Variants in BTBD9 observed in about 807,000 individuals in gnomAD.
BTBD9 encodes the protein BTB/POZ domain-containing protein 9.
In BTBD9, 49 loss-of-function variants were observed where a neutral mutation model predicts 64.3. The observed-to-expected ratio is 0.76, with a 90% confidence interval of 0.61 to 0.97. The LOEUF (loss-of-function observed/expected upper bound fraction) is 0.97, where lower values mean the gene tolerates loss of function less well. Among genes scored for constraint, BTBD9 ranks in the 50% least tolerant of loss-of-function variants. The pLI is 0.00. For missense variants in BTBD9, 598 were observed against 762.1 expected (o/e 0.78, Z 2.53); for synonymous variants, 260 against 274.7 (o/e 0.95, Z 0.53).
intron 8 of BTBD9, among the ~76,000 whole-genome samples, chr6:38,272,821 T>C (rs1259830121): frequency 6.6e-6 from 1 of 152,170 alleles, no homozygotes; most frequent in African/African-American, 2.4e-5. Flanking sequence ...TATTATCTTT[T>C]AACCTCAGAA....
chr6:38,626,946 T>A (rs1654053036), intron 1 of BTBD9, among the ~76,000 whole-genome samples: 1 of 152,206 alleles, frequency 6.6e-6, no homozygotes. Flanking sequence ...AGAATTTAAT[T>A]ACCACTGAAA....
intron 1 of BTBD9, among the ~76,000 whole-genome samples, chr6:38,621,056 T>C (rs1777965596): frequency 6.6e-6 from 1 of 152,174 alleles, no homozygotes; most frequent in Non-Finnish European, 1.5e-5. Flanking sequence ...ACCAGTGACA[T>C]ACCTAAGGAA....
chr6:38,617,053 C>T (rs565938583), intron 1 of BTBD9, among the ~76,000 whole-genome samples: 1 of 152,196 alleles, frequency 6.6e-6, no homozygotes, highest in Non-Finnish European at 1.5e-5. Context: ...GGGCTAAACA[C>T]TGGGCACCTG....
intron 9 of BTBD9, among the ~76,000 whole-genome samples, chr6:38,255,443 A>G (rs1347896080): frequency 2.6e-5 from 4 of 152,224 alleles, no homozygotes; most frequent in African/African-American, 9.7e-5. Context: ...ATCAATTTTA[A>G]AAAGAAAAAT....
chr6:38,516,737 A>G (rs1773045172), intron 6 of BTBD9, among the ~76,000 whole-genome samples: 1 of 152,214 alleles, frequency 6.6e-6, no homozygotes. Flanking sequence ...TGTAGTATCT[A>G]TTAAGCAGTC....
intron 9 of BTBD9, among the ~76,000 whole-genome samples, chr6:38,214,309 G>A (rs993615647): frequency 6.6e-6 from 1 of 152,214 alleles, no homozygotes; most frequent in African/African-American, 2.4e-5. Flanking sequence ...AGCGCCCTCA[G>A]CCAGGCTGCC....
At chr6:38,521,445 T>C (rs1454111920) in intron 6 of BTBD9, among the ~76,000 whole-genome samples, 6 of 152,220 alleles carry the variant, frequency 3.9e-5, no homozygotes, top group Non-Finnish European at 8.8e-5. Flanking sequence ...CCAGAGGTGA[T>C]TCACATTTCA....
At chr6:38,486,178 G>C (rs142144335) in intron 6 of BTBD9, among the ~76,000 whole-genome samples, 1 of 152,178 alleles carries the variant, frequency 6.6e-6, no homozygotes, top group African/African-American at 2.4e-5. Flanking sequence ...GCCTTGCTCC[G>C]AATCAGGCTT....
rs557014809 is a variant in BTBD9, at chr6:38,173,514, A to G, written c.*1471T>C. On this transcript the variant is annotated 3_prime_UTR_variant, in exon 11 of 11. Transcript: ENST00000481247. ...CACGGAAAGACAGTCTTCCAATTTA[A>G]TCACGCAGTTTGATGCTACCCTACT... 1 of 152,384 alleles carries G rather than the reference A, an allele frequency of 6.6e-6. No homozygotes were observed. The highest frequency in any genetic ancestry group is 2.4e-5 in the African/African-American group (1 of 41,586). The allele number at this position is 152,384 out of a possible 1,614,324, so 9.4% of individuals were successfully genotyped here. A position where few individuals can be genotyped will look rare whatever the true frequency, so the allele number is the denominator to read the frequency against.
intron 9 of BTBD9, among the ~76,000 whole-genome samples, chr6:38,195,603 C>T (rs17678932): frequency 0.014 from 2,073 of 152,258 alleles, 16 homozygotes; most frequent in Non-Finnish European, 0.017. Context: ...TTACCCTCTC[C>T]GGAATGCTGA....
chr6:38,464,651 G>A (rs1369610068), intron 6 of BTBD9, among the ~76,000 whole-genome samples: 3 of 151,930 alleles, frequency 2.0e-5, no homozygotes, highest in Admixed American at 6.6e-5. Flanking sequence ...GCCTGCCACC[G>A]CGCCTGGCTA....
chr6:38,368,845 G>A (rs1263396352), intron 6 of BTBD9, among the ~76,000 whole-genome samples: 1 of 152,146 alleles, frequency 6.6e-6, no homozygotes, highest in Non-Finnish European at 1.5e-5. Flanking sequence ...TCTAACTTCA[G>A]GGTATTCTTC....
intron 6 of BTBD9, among the ~76,000 whole-genome samples, chr6:38,570,840 T>C (rs79591337): frequency 8.7e-4 from 132 of 152,320 alleles, no homozygotes; most frequent in African/African-American, 3.1e-3. Flanking sequence ...ATAGTACAAA[T>C]AGTTTCACAT....
At chr6:38,411,706 C>T (rs936750953) in intron 6 of BTBD9, among the ~76,000 whole-genome samples, 2 of 152,008 alleles carry the variant, frequency 1.3e-5, no homozygotes, top group African/African-American at 2.4e-5. Flanking sequence ...GAGGCCAAGG[C>T]GGGCAGATTA....
At chr6:38,570,735 G>A (rs1336949929) in intron 6 of BTBD9, among the ~76,000 whole-genome samples, 1 of 152,082 alleles carries the variant, frequency 6.6e-6, no homozygotes, top group Non-Finnish European at 1.5e-5. Context: ...CCTATGCCTT[G>A]CAGATGACAA....
intron 7 of BTBD9, among the ~76,000 whole-genome samples, chr6:38,313,578 T>G (rs1479721258): frequency 1.3e-5 from 2 of 152,202 alleles, no homozygotes; most frequent in Non-Finnish European, 2.9e-5. Flanking sequence ...TCTTGAACTT[T>G]ATCATAAAGG....
chr6:38,619,999 T>C (rs972158961), intron 1 of BTBD9, among the ~76,000 whole-genome samples: 16 of 152,174 alleles, frequency 1.1e-4, no homozygotes, highest in African/African-American at 3.9e-4. Flanking sequence ...ATCCGGGCAT[T>C]GGAAGGGCAA....
chr6:38,172,752 TGGAAGGGCATGCCCCGAA>T lies in BTBD9; in HGVS notation c.*2215_*2232del, dbSNP rs1328549976. 6.6e-6 allele frequency: 1 copy of T among 152,434 alleles called. No homozygotes were observed. Among genetic ancestry groups the T allele is most frequent in the Admixed American group, 6.5e-5 (1 of 15,288 alleles). The allele number at this position is 152,434 out of a possible 1,614,324, so 9.4% of individuals were successfully genotyped here. Reference sequence around the variant, plus strand: ...CTAGAAGACAGGAGGGACAGAGATCTGGAAGGGCATGCCCCGAAGGAAAGAACCGCCACAGGCCAGGGA... The same window carrying T: ...CTAGAAGACAGGAGGGACAGAGATCTGGAAAGAACCGCCACAGGCCAGGGA... On this transcript the variant is annotated 3_prime_UTR_variant, in exon 11 of 11. Coordinates refer to ENST00000481247, the MANE Select transcript of BTBD9 (RefSeq NM_001099272.2).
intron 6 of BTBD9, among the ~76,000 whole-genome samples, chr6:38,346,181 A>G (rs770615837): frequency 3.9e-5 from 6 of 152,174 alleles, no homozygotes; most frequent in Non-Finnish European, 5.9e-5. Context: ...TAGACGATAT[A>G]ATTTTACTTC....
Sources: allele counts gnomAD v4.1 joint callset (sites outside exome capture counted in the v4.1 genomes callset), GRCh38; gene constraint gnomAD v4.1.1; transcripts MANE v1.5; gene names NCBI Gene and HGNC (gene_info 2026-07-23, HGNC 2026-07-21).